The following CERS6 variants were observed in gnomAD, a reference collection of about 807,000 sequenced individuals.
CERS6 encodes ceramide synthase 6, also known as LAG1 homolog, ceramide synthase 6.
A neutral mutation model predicts 56.8 loss-of-function variants in CERS6; 26 were observed. That is an observed-to-expected ratio of 0.46 (90% CI 0.34 to 0.63). CERS6 has a LOEUF of 0.63. Among genes scored for constraint, CERS6 ranks in the 30% least tolerant of loss-of-function variants. The probability of loss-of-function intolerance (pLI) is 0.01; values close to 1 mark genes in which losing one functional copy is unlikely to be tolerated. For missense variants in CERS6, 415 were observed against 467.5 expected, an observed-to-expected ratio of 0.89 and a Z score of 1.04; for synonymous variants, 164 against 173.3, an observed-to-expected ratio of 0.95 and a Z score of 0.42.
chr2:168,610,846 C>T (rs1454038051), intron 3 of CERS6, among the ~76,000 whole-genome samples: 1 of 152,044 alleles, frequency 6.6e-6, no homozygotes, highest in East Asian at 1.9e-4. Context: ...CTTGCCCTGC[C>T]GCCTAGGCTG....
chr2:168,557,369 A>G (rs954038678), intron 2 of CERS6, among the ~76,000 whole-genome samples: 15 of 152,198 alleles, frequency 9.9e-5, no homozygotes, highest in African/African-American at 3.6e-4. Flanking sequence ...AAATAGTATG[A>G]TCTTCTTGAA....
chr2:168,651,395 TAATTCTGTG>T (rs1427280332), intron 4 of CERS6, among the ~76,000 whole-genome samples: 1 of 152,212 alleles, frequency 6.6e-6, no homozygotes. Context: ...TATTACACAT[TAATTCTGTG>T]AATTAAAGCA....
chr2:168,520,893 G>A (rs1437956881), intron 1 of CERS6, among the ~76,000 whole-genome samples: 1 of 151,980 alleles, frequency 6.6e-6, no homozygotes, highest in Non-Finnish European at 1.5e-5. Context: ...ACAGACGTGA[G>A]CCACCACGCT....
chr2:168,632,522 A>T lies in CERS6; in HGVS notation c.465+1480A>T, dbSNP rs1342654389. 4.6e-5 allele frequency among the ~76,000 whole-genome samples: 7 copies of T among 152,294 alleles called. No individual in the cohort carries two copies. The East Asian group carries it at 1.4e-3, about 29-fold the overall frequency. On this transcript the variant is annotated intron_variant, in intron 4 of 9. Transcript: ENST00000305747. ...TTCACTTAATAAGACCATATGGCCC[A>T]GAGGCCATTTGAATCGATTTAGAAG... is the stretch of plus-strand genomic sequence containing the variant.
At chr2:168,682,387 C>T (rs766608719) in intron 4 of CERS6, among the ~76,000 whole-genome samples, 55 of 152,168 alleles carry the variant, frequency 3.6e-4, no homozygotes, top group Non-Finnish European at 7.4e-4. Context: ...AAATATATTG[C>T]CAGGCATTTT....
chr2:168,527,881 A>T (rs557389926), intron 1 of CERS6, among the ~76,000 whole-genome samples: 1 of 152,080 alleles, frequency 6.6e-6, no homozygotes, highest in Non-Finnish European at 1.5e-5. Flanking sequence ...CCACCACACC[A>T]GGCTAATTTT....
Position 168,544,613 on chromosome 2 carries a change from G to C in CERS6, c.171-2983G>C, listed in dbSNP as rs79262256. Among the ~76,000 whole-genome samples the C allele has an allele frequency of 6.2e-3, 949 of 152,262 alleles. 5 individuals are homozygous for C. Among genetic ancestry groups the C allele is most frequent in the Non-Finnish European group, 9.3e-3 (635 of 68,014 alleles). On this transcript the variant is annotated intron_variant, in intron 1 of 9. Coordinates refer to ENST00000305747, the MANE Select transcript of CERS6 (RefSeq NM_203463.3). ...TGGAAAGGTTTGGGCCCTTAGAGAA[G>C]GCCAGGTGTGGATGAGCTTAGACCC...
chr2:168,598,328 G>A (rs1006464908), intron 3 of CERS6, among the ~76,000 whole-genome samples: 3 of 151,966 alleles, frequency 2.0e-5, no homozygotes, highest in Admixed American at 1.3e-4. Flanking sequence ...TGGCAACCTC[G>A]TTTTTGGGGG....
At chr2:168,475,289 A>G (rs1019216612) in intron 1 of CERS6, among the ~76,000 whole-genome samples, 2 of 152,118 alleles carry the variant, frequency 1.3e-5, no homozygotes, top group Non-Finnish European at 2.9e-5. Context: ...ACATTTTATC[A>G]TATTTTTTCT....
At chr2:168,508,885 T>C (rs928785540) in intron 1 of CERS6, among the ~76,000 whole-genome samples, 13 of 152,206 alleles carry the variant, frequency 8.5e-5, no homozygotes, top group Admixed American at 2.6e-4. Context: ...TTTTAAAAAG[T>C]ATCTTAGTGT....
chr2:168,476,211 C>CTT (rs559550170), intron 1 of CERS6, among the ~76,000 whole-genome samples: 1 of 142,342 alleles, frequency 7.0e-6, no homozygotes, highest in Non-Finnish European at 1.5e-5. Flanking sequence ...CTGGCATCCT[C>CTT]TTTTTTTTTT....
intron 3 of CERS6, among the ~76,000 whole-genome samples, chr2:168,589,692 T>A (rs189623068): frequency 1.2e-4 from 18 of 148,754 alleles, no homozygotes; most frequent in African/African-American, 4.4e-4. Context: ...TAATACTACT[T>A]CTTCTACTCT....
intron 3 of CERS6, among the ~76,000 whole-genome samples, chr2:168,577,309 C>T (rs1683298500): frequency 6.6e-6 from 1 of 152,146 alleles, no homozygotes; most frequent in African/African-American, 2.4e-5. Context: ...TGTCACTACT[C>T]ACAGTCCATG....
At chr2:168,484,008 C>T (rs1694224820) in intron 1 of CERS6, among the ~76,000 whole-genome samples, 1 of 152,036 alleles carries the variant, frequency 6.6e-6, no homozygotes, top group South Asian at 2.1e-4. Flanking sequence ...TATAGAATAT[C>T]TCTGTGTATT....
intron 3 of CERS6, among the ~76,000 whole-genome samples, chr2:168,593,023 T>G (rs1683711111): frequency 6.6e-6 from 1 of 152,194 alleles, no homozygotes; most frequent in South Asian, 2.1e-4. Flanking sequence ...TCTTCTAGTT[T>G]AATCTAGAGT....
intron 3 of CERS6, among the ~76,000 whole-genome samples, chr2:168,605,162 A>T (rs1414922324): frequency 6.6e-6 from 1 of 152,218 alleles, no homozygotes; most frequent in African/African-American, 2.4e-5. Context: ...TCTCAGACGG[A>T]TATGAGGAAC....
intron 1 of CERS6, among the ~76,000 whole-genome samples, chr2:168,514,412 T>G (rs760962395): frequency 9.2e-5 from 14 of 152,190 alleles, no homozygotes; most frequent in Non-Finnish European, 2.1e-4. Flanking sequence ...ATTTATTGAT[T>G]ACAAGTAATT....
At chr2:168,508,157 G>A (rs1185234829) in intron 1 of CERS6, among the ~76,000 whole-genome samples, 1 of 152,186 alleles carries the variant, frequency 6.6e-6, no homozygotes, top group Non-Finnish European at 1.5e-5. Context: ...TCCTTTCTCA[G>A]TAACTGATGG....
chr2:168,690,650 CTGTCATCAA>C (rs1290729474), intron 4 of CERS6, among the ~76,000 whole-genome samples: 2 of 152,182 alleles, frequency 1.3e-5, no homozygotes, highest in South Asian at 2.1e-4. Flanking sequence ...TTTATACTAG[CTGTCATCAA>C]TGTTTATAGA....
Sources: gnomAD v4.1 joint callset for allele counts (sites outside exome capture counted in the v4.1 genomes callset) on GRCh38, gnomAD v4.1.1 for gene constraint, MANE v1.5 for transcripts, NCBI Gene and HGNC (gene_info 2026-07-23, HGNC 2026-07-21) for gene names.